Variants in DEPDC5 observed in about 807,000 individuals in gnomAD.
DEPDC5 encodes the protein GATOR1 complex protein DEPDC5.
A neutral mutation model predicts 217.3 loss-of-function variants in DEPDC5; 73 were observed. The observed-to-expected ratio is 0.34, with a 90% CI of 0.28 to 0.41. The LOEUF is 0.41. Among genes scored for constraint, DEPDC5 ranks in the 10% least tolerant of loss-of-function variants. The probability of loss-of-function intolerance (pLI) is 1.00; values close to 1 mark genes in which losing one functional copy is unlikely to be tolerated. For missense variants in DEPDC5, 1,675 were observed against 2,070.1 expected (o/e 0.81, Z 3.70); for synonymous variants, 733 against 756.7 (o/e 0.97, Z 0.51).
At chr22:31,828,922 C>T (rs1016732104) in intron 24 of DEPDC5, among the ~76,000 whole-genome samples, 1 of 152,182 alleles carries the variant, frequency 6.6e-6, no homozygotes, top group Non-Finnish European at 1.5e-5. Context: ...GGGGATTGAA[C>T]TGTGAATGGT....
At chr22:31,901,924 A>G (rs558460027) in intron 41 of DEPDC5, 122 bp downstream of exon 41, 9 of 836,602 alleles carry the variant, frequency 1.1e-5, no homozygotes, top group African/African-American at 3.4e-5. Flanking sequence ...ACCAATGGCA[A>G]ATTCACTGCT....
chr22:31,774,920 C>A (rs1382601092), intron 7 of DEPDC5, among the ~76,000 whole-genome samples: 6 of 152,202 alleles, frequency 3.9e-5, no homozygotes, highest in Middle Eastern at 3.4e-3. Context: ...CCGTGCCTGA[C>A]CTCCTTATTA....
intron 21 of DEPDC5, among the ~76,000 whole-genome samples, chr22:31,818,602 T>G (rs189736863): frequency 9.8e-5 from 15 of 152,322 alleles, no homozygotes; most frequent in African/African-American, 3.6e-4. Flanking sequence ...GTGAAGACAT[T>G]GACTAGCTCT....
At chr22:31,834,917 C>G (rs1003762358) in intron 25 of DEPDC5, among the ~76,000 whole-genome samples, 7 of 152,212 alleles carry the variant, frequency 4.6e-5, no homozygotes, top group African/African-American at 1.7e-4. Context: ...ATTACTGTAT[C>G]TTGGTTTGAG....
chr22:31,821,279 A>C lies in DEPDC5; in HGVS notation c.1871-223A>C, dbSNP rs16989525. Among the ~76,000 whole-genome samples the C allele has an allele frequency of 9.1e-3, 1,387 of 152,362 alleles. 19 individuals are homozygous for C. The highest frequency in any genetic ancestry group is 0.031 in the African/African-American group (1,269 of 41,582). ...CACCTGAGGCAGAATATCCTAAAAT[A>C]TTCTTAACAGATTAGACAGGATGAT... On this transcript the variant is annotated intron_variant, in intron 22 of 42. Coordinates refer to ENST00000651528, the MANE Select transcript of DEPDC5 (RefSeq NM_001242896.3).
intron 16 of DEPDC5, 93 bp downstream of exon 16, chr22:31,804,316 C>T: frequency 8.1e-7 from 1 of 1,235,518 alleles, no homozygotes; most frequent in Non-Finnish European, 1.2e-6. Context: ...CTTATAGTCC[C>T]ACTTACTCGA....
intron 2 of DEPDC5, among the ~76,000 whole-genome samples, chr22:31,756,440 A>G (rs1357311503): frequency 1.3e-5 from 2 of 152,184 alleles, no homozygotes; most frequent in South Asian, 2.1e-4. Flanking sequence ...TGCACAGTCT[A>G]TTGTTATTAC....
At chr22:31,859,327 G>A (rs774334576) in intron 32 of DEPDC5, among the ~76,000 whole-genome samples, 4 of 150,516 alleles carry the variant, frequency 2.7e-5, no homozygotes, top group Admixed American at 6.6e-5. Context: ...TCCTGACCTC[G>A]TGATCCGCCT....
rs200463427 is a variant in DEPDC5 at position 31,781,843 on chromosome 22, AG to A, written c.484-2061del. ...TGAGCCCAGGAGATTGAGACCAGCC[AG>A]GGCAACAGAGGGAGACCCCATCTCT... On this transcript the variant is annotated intron_variant, in intron 8 of 42. Transcript: ENST00000651528. 1.0e-2 allele frequency among the ~76,000 whole-genome samples: 1,518 copies of A among 152,154 alleles called. 14 individuals carry two copies. The highest frequency in any genetic ancestry group is 0.016 in the Non-Finnish European group (1,066 of 68,010).
chr22:31,899,063 T>C (rs112216557), intron 40 of DEPDC5, among the ~76,000 whole-genome samples: 2,185 of 152,346 alleles, frequency 0.014, 19 homozygotes, highest in Middle Eastern at 0.031. Context: ...TGGGGGTTTT[T>C]CACCTTTGCT....
chr22:31,802,901 G>C, intron 15 of DEPDC5, 63 bp downstream of exon 15: 1 of 1,482,494 alleles, frequency 6.7e-7, no homozygotes. Context: ...CCTTAGAACT[G>C]TGAGCTTCAC....
intron 38 of DEPDC5, among the ~76,000 whole-genome samples, chr22:31,887,038 G>T (rs2093332849): frequency 1.3e-5 from 2 of 150,928 alleles, no homozygotes; most frequent in Non-Finnish European, 2.9e-5. Flanking sequence ...AGCTGAGATC[G>T]TGCCATTACG....
rs954714941 is a variant in DEPDC5, at chr22:31,901,609, G to A, written c.4376-133G>A. ...TGGAGGCCAGTCTTTCTCAAAGGGC[G>A]TAGTATGGAGAAGCAGAGGTTAGGC... On this transcript the variant is annotated intron_variant, in intron 40 of 42. Coordinates refer to ENST00000651528, the MANE Select transcript of DEPDC5 (RefSeq NM_001242896.3). The A allele has an allele frequency of 1.4e-5, 10 of 709,410 alleles. No homozygotes were observed. In the Middle Eastern group the frequency reaches 7.6e-4, roughly 54 times the overall value. The allele number at this position is 709,410 out of a possible 1,614,324, so 43.9% of individuals were successfully genotyped here.
chr22:31,798,745 A>G, intron 14 of DEPDC5, 89 bp downstream of exon 14: 2 of 1,295,312 alleles, frequency 1.5e-6, no homozygotes, highest in Non-Finnish European at 2.2e-6. Flanking sequence ...CCCTAAGAGA[A>G]GGTTCTTGGA....
chr22:31,823,973 A>T (rs1299906288), intron 24 of DEPDC5, among the ~76,000 whole-genome samples: 4 of 152,174 alleles, frequency 2.6e-5, no homozygotes, highest in African/African-American at 9.7e-5. Context: ...AGTGTGGAAA[A>T]CATTAAAACT....
Position 31,768,795 on chromosome 22 carries a change from T to C in DEPDC5, c.364-19T>C. ...CTCCCTCCCTCCCTCTCTCTACCCC[T>C]CTCTCCCCCTCCTCTTAGGTCAGCA... On this transcript the variant is annotated intron_variant, in intron 6 of 42. Coordinates refer to ENST00000651528, the MANE Select transcript of DEPDC5 (RefSeq NM_001242896.3). 5.1e-6 allele frequency: 7 copies of C among 1,361,894 alleles called. No individual in the cohort carries two copies. Among genetic ancestry groups the C allele is most frequent in the Non-Finnish European group, 7.3e-6 (7 of 964,878 alleles). 84.4% of individuals were successfully genotyped at this position (1,361,894 alleles called of 1,614,324 possible).
At position 31,804,055 on chromosome 22, in the gene DEPDC5, G is replaced by A. The variant is rs113885973; in HGVS notation, c.1082-107G>A. On this transcript the variant is annotated intron_variant, in intron 15 of 42. Transcript: ENST00000651528. The stretch of plus-strand genomic sequence containing the variant: ...CTATGAGGTTATAAATCATACAATG[G>A]TAAGTTAGCTTTGCCTACTACCCAT... 7,306 of 997,876 alleles carry A rather than the reference G, an allele frequency of 7.3e-3. 172 individuals carry two copies. Among genetic ancestry groups the A allele is most frequent in the African/African-American group, 0.065 (4,096 of 62,552 alleles). 61.8% of individuals were successfully genotyped at this position (997,876 alleles called of 1,614,324 possible).
chr22:31,852,744 A>G (rs1441213782), intron 31 of DEPDC5, among the ~76,000 whole-genome samples: 1 of 152,258 alleles, frequency 6.6e-6, no homozygotes, highest in Non-Finnish European at 1.5e-5. Context: ...AAACAAAACC[A>G]TGGTATTATA....
chr22:31,857,815 C>G (rs1017283014), intron 32 of DEPDC5: 1 of 301,870 alleles, frequency 3.3e-6, no homozygotes, highest in Non-Finnish European at 6.1e-6. Flanking sequence ...TTTGGGAGGC[C>G]GAGGCTGGAG....
Sources: allele counts gnomAD v4.1 joint callset (sites outside exome capture counted in the v4.1 genomes callset), GRCh38; gene constraint gnomAD v4.1.1; transcripts MANE v1.5; gene names NCBI Gene and HGNC (gene_info 2026-07-23, HGNC 2026-07-21).